The following CD2AP variants were observed in gnomAD, a reference collection of about 807,000 sequenced individuals.
The protein encoded by CD2AP is CD2-associated protein.
CD2AP carries 46 observed loss-of-function variants against 85.1 expected under a neutral mutation model. That is an observed-to-expected ratio of 0.54 (90% CI 0.43 to 0.69). The LOEUF (loss-of-function observed/expected upper bound fraction) is 0.69, where lower values mean the gene tolerates loss of function less well. Ranked by LOEUF, CD2AP falls within the 30% of genes least tolerant of loss-of-function variation. CD2AP has a pLI of 0.00. For missense variants in CD2AP, 769 were observed against 729.5 expected (o/e 1.05, Z -0.62); for synonymous variants, 255 against 252.9 (o/e 1.01, Z -0.08).
chr6:47,496,635 G>C (rs111720146), intron 1 of CD2AP, among the ~76,000 whole-genome samples: 294 of 152,200 alleles, frequency 1.9e-3, no homozygotes, highest in African/African-American at 6.9e-3. Flanking sequence ...ATTCCTGCAC[G>C]TGATATACAA....
Position 47,503,179 on chromosome 6 carries a change from T to C in CD2AP, c.5-101T>C, listed in dbSNP as rs187865496. The C allele has an allele frequency of 4.4e-4, 502 of 1,129,810 alleles. 1 individual carries two copies. The African/African-American group carries it at 7.4e-3, about 17-fold the overall frequency. The allele number at this position is 1,129,810 out of a possible 1,614,324, so 70.0% of individuals were successfully genotyped here. On this transcript the variant is annotated intron_variant, in intron 1 of 17. Transcript: ENST00000359314. ...TTGCTGATGTCTTTGTGGTATTAAA[T>C]ATTGTTGCTAAACAGATTCCTTAGT...
chr6:47,561,999 C>A (rs190566173), intron 5 of CD2AP, among the ~76,000 whole-genome samples: 2 of 152,098 alleles, frequency 1.3e-5, no homozygotes, highest in African/African-American at 4.8e-5. Context: ...TCAATGACCT[C>A]GTGATCCGCC....
intron 17 of CD2AP, among the ~76,000 whole-genome samples, chr6:47,613,078 T>C (rs1027481573): frequency 1.1e-4 from 16 of 152,196 alleles, no homozygotes; most frequent in Admixed American, 3.3e-4. Context: ...TCAAGTTCGA[T>C]CCACTTTTAA....
intron 5 of CD2AP, among the ~76,000 whole-genome samples, chr6:47,567,585 A>G (rs550306040): frequency 4.6e-5 from 7 of 152,216 alleles, no homozygotes; most frequent in South Asian, 2.1e-4. Flanking sequence ...ATAAATGTAT[A>G]TAAGTGGGCT....
intron 14 of CD2AP, among the ~76,000 whole-genome samples, chr6:47,606,557 TC>T (rs1293278836): frequency 3.9e-5 from 6 of 152,070 alleles, no homozygotes; most frequent in African/African-American, 1.4e-4. Flanking sequence ...GTTTAATTTA[TC>T]TTTCAACAAC....
chr6:47,623,510 A>C (rs930684016), intron 17 of CD2AP, among the ~76,000 whole-genome samples: 1 of 152,198 alleles, frequency 6.6e-6, no homozygotes. Flanking sequence ...TTGAGCCTCA[A>C]CCTAGCCATT....
Position 47,600,098 on chromosome 6 carries a change from G to A in CD2AP, c.1417+655G>A, listed in dbSNP as rs540674058. 1.1e-4 allele frequency among the ~76,000 whole-genome samples: 17 copies of A among 151,654 alleles called. No individual in the cohort carries two copies. In the East Asian group the frequency reaches 3.1e-3, roughly 28 times the overall value. On this transcript the variant is annotated intron_variant, in intron 13 of 17. Coordinates refer to ENST00000359314, the MANE Select transcript of CD2AP (RefSeq NM_012120.3). ...TTTCTGGTAATTGTTAATATTTTGTGTAGTGCTTTTTGCATTTGTGTTTAG... is the reference window on the plus strand; with the variant it reads ...TTTCTGGTAATTGTTAATATTTTGTATAGTGCTTTTTGCATTTGTGTTTAG...
At chr6:47,524,295 T>C (rs965410923) in intron 2 of CD2AP, among the ~76,000 whole-genome samples, 7 of 152,182 alleles carry the variant, frequency 4.6e-5, no homozygotes, top group Non-Finnish European at 7.4e-5. Flanking sequence ...CTCTAGCTCC[T>C]TGGACCCAGC....
intron 5 of CD2AP, among the ~76,000 whole-genome samples, chr6:47,564,288 A>C (rs1362658188): frequency 6.6e-6 from 1 of 152,128 alleles, no homozygotes; most frequent in Non-Finnish European, 1.5e-5. Flanking sequence ...CCTACTTTTA[A>C]CATTAAAATT....
chr6:47,598,072 A>G (rs887149238), intron 12 of CD2AP, among the ~76,000 whole-genome samples: 8 of 150,952 alleles, frequency 5.3e-5, no homozygotes, highest in African/African-American at 2.4e-5. Context: ...AAACAATCCC[A>G]TCAGAAACTG....
At chr6:47,566,323 T>TATATATATACACAC in intron 5 of CD2AP, among the ~76,000 whole-genome samples, 83 of 108,452 alleles carry the variant, frequency 7.7e-4, no homozygotes, top group African/African-American at 1.5e-3. Flanking sequence ...TATATATATA[T>TATATATATACACAC]ACACATACAC....
chr6:47,517,988 A>T (rs749311740), intron 2 of CD2AP, among the ~76,000 whole-genome samples: 115 of 152,330 alleles, frequency 7.5e-4, no homozygotes, highest in Admixed American at 1.4e-3. Flanking sequence ...AGTTGAATAG[A>T]AAATGTCAGT....
intron 2 of CD2AP, among the ~76,000 whole-genome samples, chr6:47,517,177 T>C (rs1582504081): frequency 6.6e-6 from 1 of 152,216 alleles, no homozygotes; most frequent in East Asian, 1.9e-4. Context: ...ATGCGCCTGC[T>C]CCCCTTTCTT....
chr6:47,481,940 T>G (rs1409908862), intron 1 of CD2AP, among the ~76,000 whole-genome samples: 1 of 152,048 alleles, frequency 6.6e-6, no homozygotes, highest in African/African-American at 2.4e-5. Flanking sequence ...TAAAATTTTT[T>G]TGTAGATACA....
chr6:47,495,900 T>G (rs1765846217), intron 1 of CD2AP, among the ~76,000 whole-genome samples: 1 of 152,206 alleles, frequency 6.6e-6, no homozygotes, highest in South Asian at 2.1e-4. Flanking sequence ...TGTTAATAAC[T>G]TTACTCTCTT....
intron 2 of CD2AP, among the ~76,000 whole-genome samples, chr6:47,507,688 G>A (rs145098223): frequency 6.6e-6 from 1 of 152,090 alleles, no homozygotes; most frequent in Middle Eastern, 3.2e-3. Context: ...CTCGTGATCT[G>A]CCCGCCTTGG....
chr6:47,553,530 T>C (rs1471790688), intron 4 of CD2AP, among the ~76,000 whole-genome samples: 1 of 146,166 alleles, frequency 6.8e-6, no homozygotes, highest in African/African-American at 2.6e-5. Flanking sequence ...TTTTTTTTTT[T>C]TTTTTTTGTA....
chr6:47,541,470 A>T (rs1767214703), intron 3 of CD2AP, among the ~76,000 whole-genome samples: 1 of 152,192 alleles, frequency 6.6e-6, no homozygotes, highest in African/African-American at 2.4e-5. Context: ...ACAATAAAAA[A>T]TCAGATACAA....
rs151326788 is a variant in CD2AP, at chr6:47,582,519, T to C, written c.1108+454T>C. 3.9e-3 allele frequency among the ~76,000 whole-genome samples: 595 copies of C among 152,300 alleles called. 15 individuals carry two copies. Among genetic ancestry groups the C allele is most frequent in the Non-Finnish European group, 4.0e-4 (27 of 68,014 alleles). On this transcript the variant is annotated intron_variant, in intron 11 of 17. Transcript: ENST00000359314. Reference sequence around the variant, plus strand: ...CACATGTATTTTGCTAAAAACCTTATTGGTTTGTTGTGAATTTGGAGAAAA... The same window carrying C: ...CACATGTATTTTGCTAAAAACCTTACTGGTTTGTTGTGAATTTGGAGAAAA...
Sources: allele counts gnomAD v4.1 joint callset (sites outside exome capture counted in the v4.1 genomes callset), GRCh38; gene constraint gnomAD v4.1.1; transcripts MANE v1.5; gene names NCBI Gene and HGNC (gene_info 2026-07-23, HGNC 2026-07-21).